PRSS23: variants seen among roughly 807,000 people sequenced by gnomAD.
PRSS23 encodes the protein serine protease 23.
In PRSS23, 25 loss-of-function variants were observed where a neutral mutation model predicts 34.7. The observed-to-expected ratio is 0.72, with a 90% confidence interval of 0.53 to 1.01. The LOEUF is 1.01. Ranked by LOEUF, PRSS23 falls within the 50% of genes least tolerant of loss-of-function variation. The pLI is 0.00. For synonymous variants in PRSS23, 176 were observed against 186.6 expected, an observed-to-expected ratio of 0.94 and a Z score of 0.46; for missense variants, 445 against 475.6, an observed-to-expected ratio of 0.94 and a Z score of 0.60.
At chr11:86,815,945 G>A (rs142171061), downstream of PRSS23, among the ~76,000 whole-genome samples, 41 of 152,252 alleles carry the variant, frequency 2.7e-4, no homozygotes, top group Middle Eastern at 3.4e-3. Context: ...ACCTGCCCAA[G>A]ACATGTTCTG....
At position 86,898,574 on chromosome 11, in the gene PRSS23, C is replaced by T. The variant is rs567312858; in HGVS notation, c.207-52642C>T. Among the ~76,000 whole-genome samples the T allele has an allele frequency of 2.4e-4, 36 of 152,314 alleles. 1 individual carries two copies. Among genetic ancestry groups the T allele is most frequent in the African/African-American group, 8.4e-4 (35 of 41,562 alleles). ...GGGAAAGGACAAATGAAGCGGAGCA[C>T]CTTTCAGAGCTACAGTTCTCTGCTG... On this transcript the variant is annotated intron_variant, in intron 2 of 2. Coordinates refer to the PRSS23 transcript ENST00000533902.
At chr11:86,918,135 A>G (rs559213356) in intron 2 of PRSS23, among the ~76,000 whole-genome samples, 1 of 152,236 alleles carries the variant, frequency 6.6e-6, no homozygotes, top group Non-Finnish European at 1.5e-5. Context: ...GAAAATAAAA[A>G]GATATCACCT....
intron 2 of PRSS23, among the ~76,000 whole-genome samples, chr11:86,836,663 G>A (rs1385272387): frequency 6.6e-6 from 1 of 152,176 alleles, no homozygotes; most frequent in Non-Finnish European, 1.5e-5. Context: ...AATAGTGACA[G>A]ATCTGGAGGA....
At chr11:86,951,501 T>C (rs1388638126) in exon 3 of PRSS23, 6 of 1,614,078 alleles carry the variant, frequency 3.7e-6, no homozygotes, top group Non-Finnish European at 5.1e-6. Context: ...TTTTGAAGAT[T>C]TGACCGAATT....
At chr11:86,851,647 A>G (rs1438658691) in intron 2 of PRSS23, among the ~76,000 whole-genome samples, 1 of 152,206 alleles carries the variant, frequency 6.6e-6, no homozygotes, top group South Asian at 2.1e-4. Flanking sequence ...CAACTTTTCT[A>G]GTCTGTTAAA....
intron 2 of PRSS23, among the ~76,000 whole-genome samples, chr11:86,827,584 T>C (rs1239591005): frequency 1.3e-5 from 2 of 152,240 alleles, no homozygotes; most frequent in Non-Finnish European, 2.9e-5. Flanking sequence ...AATTGTGATG[T>C]TCGGGTGTCA....
intron 2 of PRSS23, among the ~76,000 whole-genome samples, chr11:86,883,725 C>T (rs117934138): frequency 0.015 from 2,297 of 152,276 alleles, 18 homozygotes; most frequent in Middle Eastern, 0.024. Flanking sequence ...TCTATAATTT[C>T]CCTCCAAGCA....
At chr11:86,826,635 T>C (rs1363981515) in intron 2 of PRSS23, among the ~76,000 whole-genome samples, 7 of 152,236 alleles carry the variant, frequency 4.6e-5, no homozygotes, top group East Asian at 1.9e-4. Context: ...GGGTTTGTCA[T>C]AGATAGCTCT....
chr11:86,803,162 T>C (rs34873514), intron 1 of PRSS23, among the ~76,000 whole-genome samples: 30,345 of 152,198 alleles, frequency 0.2, 3,278 homozygotes, highest in Middle Eastern at 0.24. Flanking sequence ...TCAGCAAAAG[T>C]TTATTCCTAG....
At chr11:86,877,929 C>A (rs1948735951) in intron 2 of PRSS23, among the ~76,000 whole-genome samples, 1 of 150,482 alleles carries the variant, frequency 6.6e-6, no homozygotes, top group Middle Eastern at 3.5e-3. Context: ...ACTCTGTGGG[C>A]CATTTTATGG....
chr11:86,947,442 T>C lies in PRSS23; in HGVS notation c.207-3774T>C, dbSNP rs115341334. The C allele has an allele frequency of 0.016, 2,458 of 152,258 alleles. 25 individuals are homozygous for C. The highest frequency in any genetic ancestry group is 0.027 in the South Asian group (128 of 4,828). The allele number at this position is 152,258 out of a possible 1,614,324, so 9.4% of individuals were successfully genotyped here. A position where few individuals can be genotyped will look rare whatever the true frequency, so the allele number is the denominator to read the frequency against. ...CAATAAGCATTTAATTCAGTGACCATGAGGATGAGGGGAGCCAGAGAGTAT... is the reference window on the plus strand; with the variant it reads ...CAATAAGCATTTAATTCAGTGACCACGAGGATGAGGGGAGCCAGAGAGTAT... On this transcript the variant is annotated intron_variant, in intron 2 of 2. Transcript: ENST00000533902.
At chr11:86,800,366 G>T, upstream of PRSS23, 1 of 853,400 alleles carries the variant, frequency 1.2e-6, no homozygotes, top group Non-Finnish European at 1.4e-6. Context: ...GGCCCTCTGG[G>T]CTGCTCCACC....
At chr11:86,850,969 C>T (rs1206942731) in intron 2 of PRSS23, among the ~76,000 whole-genome samples, 2 of 152,168 alleles carry the variant, frequency 1.3e-5, no homozygotes, top group African/African-American at 2.4e-5. Context: ...GCTACCCATT[C>T]GGGACCCCTT....
chr11:86,852,688 C>G (rs1948538839), intron 2 of PRSS23, among the ~76,000 whole-genome samples: 3 of 152,194 alleles, frequency 2.0e-5, no homozygotes, highest in Admixed American at 2.0e-4. Context: ...TCACCTCCAT[C>G]ATCTCCAGAA....
Position 86,862,445 on chromosome 11 carries a change from G to A in PRSS23, c.206+38852G>A, listed in dbSNP as rs768398688. Among the ~76,000 whole-genome samples, 6 of 151,744 alleles carry A rather than the reference G, an allele frequency of 4.0e-5. No individual in the cohort carries two copies. In the East Asian group the frequency reaches 9.7e-4, roughly 25 times the overall value. On this transcript the variant is annotated intron_variant, in intron 2 of 2. Coordinates refer to the PRSS23 transcript ENST00000533902. ...CAGTGTACACTTAGTGATACTATTC[G>A]TAATACCCTAGGAGGATGTTACTCC...
chr11:86,838,970 C>T (rs1421400486), intron 2 of PRSS23, among the ~76,000 whole-genome samples: 2 of 152,008 alleles, frequency 1.3e-5, no homozygotes, highest in African/African-American at 2.4e-5. Context: ...CACATGAAAA[C>T]CCCATCTGTA....
chr11:86,822,214 G>A (rs963377639), intron 1 of PRSS23, among the ~76,000 whole-genome samples: 4 of 152,150 alleles, frequency 2.6e-5, no homozygotes, highest in African/African-American at 9.7e-5. Flanking sequence ...AGTTTACGTG[G>A]TAATTTTCCA....
intron 2 of PRSS23, among the ~76,000 whole-genome samples, chr11:86,859,797 AGGGT>A (rs1322508239): frequency 1.3e-5 from 2 of 151,844 alleles, no homozygotes; most frequent in Non-Finnish European, 2.9e-5. Context: ...CCTAATATAC[AGGGT>A]GGGGAAGAAT....
chr11:86,939,492 T>C (rs1440437537), intron 2 of PRSS23, among the ~76,000 whole-genome samples: 1 of 146,380 alleles, frequency 6.8e-6, no homozygotes, highest in Non-Finnish European at 1.5e-5. Flanking sequence ...CTAAAGATTA[T>C]AATTCCTCAG....
Sources: gnomAD v4.1 joint callset for allele counts (sites outside exome capture counted in the v4.1 genomes callset) on GRCh38, gnomAD v4.1.1 for gene constraint, MANE v1.5 for transcripts, NCBI Gene and HGNC (gene_info 2026-07-23, HGNC 2026-07-21) for gene names.